The following BMPR1B variants were observed in gnomAD, a reference collection of about 807,000 sequenced individuals.
The protein encoded by BMPR1B is bone morphogenetic protein receptor type 1B.
In BMPR1B, 12 loss-of-function variants were observed where a neutral mutation model predicts 59.1. The observed-to-expected ratio is 0.20, with a 90% CI of 0.13 to 0.33. The LOEUF (loss-of-function observed/expected upper bound fraction) is 0.33. Among genes scored for constraint, BMPR1B ranks in the 10% least tolerant of loss-of-function variants. BMPR1B has a pLI of 1.00. For missense variants in BMPR1B, 550 were observed against 610.9 expected (o/e 0.90, Z 1.05); for synonymous variants, 237 against 207.3 (o/e 1.14, Z -1.23).
chr4:95,136,546 T>C (rs1031857581), intron 10 of BMPR1B, among the ~76,000 whole-genome samples: 3 of 152,150 alleles, frequency 2.0e-5, no homozygotes, highest in African/African-American at 7.2e-5. Flanking sequence ...GTCCTAGACT[T>C]TTTTTCGTTG....
At chr4:95,054,599 C>A (rs1399192195) in intron 3 of BMPR1B, among the ~76,000 whole-genome samples, 1 of 152,000 alleles carries the variant, frequency 6.6e-6, no homozygotes. Flanking sequence ...ACTATCCTAC[C>A]CCTTTATTCT....
intron 3 of BMPR1B, among the ~76,000 whole-genome samples, chr4:95,096,793 C>T (rs1283814184): frequency 6.2e-5 from 8 of 129,918 alleles, no homozygotes; most frequent in East Asian, 4.4e-4. Flanking sequence ...AACTATATAT[C>T]TATATATAGA....
chr4:94,914,600 G>A (rs1728411908), intron 2 of BMPR1B, among the ~76,000 whole-genome samples: 1 of 152,068 alleles, frequency 6.6e-6, no homozygotes, highest in Non-Finnish European at 1.5e-5. Context: ...CTGAACTTAA[G>A]GTTCTAATGA....
At chr4:94,788,036 A>G (rs1722828849) in intron 1 of BMPR1B, among the ~76,000 whole-genome samples, 1 of 152,206 alleles carries the variant, frequency 6.6e-6, no homozygotes, top group East Asian at 1.9e-4. Flanking sequence ...GAACAAGAGA[A>G]TCTGAAAATC....
intron 3 of BMPR1B, among the ~76,000 whole-genome samples, chr4:95,052,111 C>T (rs998378466): frequency 1.1e-4 from 16 of 152,072 alleles, no homozygotes; most frequent in African/African-American, 3.9e-4. Context: ...TTCTAACAAA[C>T]TTTTTTCTGA....
At chr4:94,793,717 G>A (rs1723071560) in intron 1 of BMPR1B, among the ~76,000 whole-genome samples, 1 of 144,654 alleles carries the variant, frequency 6.9e-6, no homozygotes, top group Non-Finnish European at 1.5e-5. Context: ...ATTCTAACTG[G>A]TGTGAGATGG....
intron 3 of BMPR1B, among the ~76,000 whole-genome samples, chr4:95,072,431 G>A (rs1728378243): frequency 6.6e-6 from 1 of 152,088 alleles, no homozygotes. Context: ...ATTCAATCAG[G>A]AAGCATCTTA....
At chr4:94,827,763 A>C (rs1226919699) in intron 1 of BMPR1B, among the ~76,000 whole-genome samples, 1 of 152,210 alleles carries the variant, frequency 6.6e-6, no homozygotes, top group Admixed American at 6.5e-5. Context: ...TTATTTTCAC[A>C]TGCAGTTTTT....
In BMPR1B at chr4:94,994,084, T is replaced by C. The variant is rs116270801; in HGVS notation, c.-112-1956T>C. ...TTTACCACAGGTGAAAATTTGTATA[T>C]GTCAATTTGGTAATGTGTAAATGGT... On this transcript the variant is annotated intron_variant, in intron 2 of 12. Transcript: ENST00000515059. 5.3e-3 allele frequency among the ~76,000 whole-genome samples: 802 copies of C among 152,324 alleles called. 6 individuals are homozygous for C. The highest frequency in any genetic ancestry group is 0.018 in the African/African-American group (760 of 41,556).
At chr4:94,827,998 A>G (rs1251798204) in intron 1 of BMPR1B, among the ~76,000 whole-genome samples, 2 of 152,192 alleles carry the variant, frequency 1.3e-5, no homozygotes, top group Non-Finnish European at 2.9e-5. Context: ...TATCAGTTTC[A>G]CACAAGGTGT....
At chr4:94,887,887 T>A (rs1486455022) in intron 2 of BMPR1B, among the ~76,000 whole-genome samples, 1 of 152,078 alleles carries the variant, frequency 6.6e-6, no homozygotes, top group Non-Finnish European at 1.5e-5. Flanking sequence ...GGAATCCCTA[T>A]ATATTGAAAG....
intron 1 of BMPR1B, among the ~76,000 whole-genome samples, chr4:94,865,822 C>A (rs1726208298): frequency 1.3e-5 from 2 of 152,140 alleles, no homozygotes; most frequent in African/African-American, 2.4e-5. Flanking sequence ...CATTACATAA[C>A]AGACTCATTG....
intron 3 of BMPR1B, among the ~76,000 whole-genome samples, chr4:95,011,128 T>C (rs1400820427): frequency 3.3e-5 from 5 of 152,136 alleles, no homozygotes; most frequent in Non-Finnish European, 4.4e-5. Flanking sequence ...ATGTGAAGGC[T>C]GGTTACGTAG....
rs143059777 is a variant in BMPR1B, at chr4:94,785,249, A to G, written c.-183+27181A>G. ...CCTTCCCTGTGCTCACCAAAGAATT[A>G]TTGACATGTAAACTTGGCCTCAAAC... On this transcript the variant is annotated intron_variant, in intron 1 of 12. Transcript: ENST00000515059. 3.1e-4 allele frequency among the ~76,000 whole-genome samples: 47 copies of G among 152,236 alleles called. No homozygotes were observed. The East Asian group carries it at 8.9e-3, about 29-fold the overall frequency.
chr4:94,878,639 G>A (rs1329658646), intron 2 of BMPR1B, among the ~76,000 whole-genome samples: 5 of 152,024 alleles, frequency 3.3e-5, no homozygotes. Flanking sequence ...TGCATTCTGA[G>A]TGACTCCATT....
intron 2 of BMPR1B, among the ~76,000 whole-genome samples, chr4:94,974,428 T>C (rs1730933205): frequency 6.6e-6 from 1 of 152,192 alleles, no homozygotes; most frequent in Admixed American, 6.5e-5. Context: ...CTTGTCAGAC[T>C]AGCTTTCAGG....
chr4:95,103,200 A>G (rs1271929453), intron 3 of BMPR1B, among the ~76,000 whole-genome samples: 1 of 152,116 alleles, frequency 6.6e-6, no homozygotes, highest in Non-Finnish European at 1.5e-5. Flanking sequence ...ATAATTCGTT[A>G]TACATGCAGA....
intron 3 of BMPR1B, among the ~76,000 whole-genome samples, chr4:95,056,614 C>T (rs576257444): frequency 3.3e-5 from 5 of 152,238 alleles, no homozygotes; most frequent in South Asian, 2.1e-4. Context: ...TCGCTGTGTG[C>T]GTCTGCTCCC....
chr4:94,980,822 A>T (rs1347995391), intron 2 of BMPR1B, among the ~76,000 whole-genome samples: 1 of 152,194 alleles, frequency 6.6e-6, no homozygotes, highest in African/African-American at 2.4e-5. Context: ...CAGGTACTTA[A>T]TACAAGTTGA....
Sources: allele counts gnomAD v4.1 joint callset (sites outside exome capture counted in the v4.1 genomes callset), GRCh38; gene constraint gnomAD v4.1.1; transcripts MANE v1.5; gene names NCBI Gene and HGNC (gene_info 2026-07-23, HGNC 2026-07-21).